IMMP2L: variants seen among roughly 807,000 people sequenced by gnomAD.
IMMP2L encodes the protein inner mitochondrial membrane peptidase subunit 2, also known as mitochondrial inner membrane protease subunit 2.
IMMP2L carries 18 observed loss-of-function variants against 19.3 expected under a neutral mutation model. The ratio of observed to expected loss-of-function variants is 0.93; its 90% confidence interval spans 0.64 to 1.38. The LOEUF is 1.38. IMMP2L is among the 40% of genes most tolerant of loss of function. The pLI is 0.00. For missense variants in IMMP2L, 233 were observed against 218.2 expected, an observed-to-expected ratio of 1.07 and a Z score of -0.43; for synonymous variants, 76 against 73.0, an observed-to-expected ratio of 1.04 and a Z score of -0.21.
At chr7:111,029,659 A>C (rs1827200358) in intron 3 of IMMP2L, among the ~76,000 whole-genome samples, 1 of 152,212 alleles carries the variant, frequency 6.6e-6, no homozygotes, top group Admixed American at 6.5e-5. Context: ...ATCTAAAAAT[A>C]GTAAGCCTAC....
chr7:111,052,343 G>A (rs1376265295), intron 3 of IMMP2L, among the ~76,000 whole-genome samples: 2 of 152,130 alleles, frequency 1.3e-5, no homozygotes, highest in African/African-American at 4.8e-5. Flanking sequence ...GCTACCTGGA[G>A]CCTTGATCTA....
chr7:111,362,727 T>TCAATAC (rs200641387), intron 3 of IMMP2L, among the ~76,000 whole-genome samples: 7 of 152,208 alleles, frequency 4.6e-5, no homozygotes, highest in South Asian at 4.1e-4. Context: ...ATTCACTTTT[T>TCAATAC]CAATACCAAT....
chr7:111,221,366 A>C (rs148913298), intron 3 of IMMP2L, among the ~76,000 whole-genome samples: 72 of 152,226 alleles, frequency 4.7e-4, no homozygotes, highest in Middle Eastern at 3.4e-3. Flanking sequence ...GTACGTTATG[A>C]CTGCCAAAAT....
intron 3 of IMMP2L, among the ~76,000 whole-genome samples, chr7:111,109,428 T>C (rs773985679): frequency 5.3e-5 from 8 of 152,196 alleles, no homozygotes; most frequent in Non-Finnish European, 1.2e-4. Context: ...CACACAAGTA[T>C]AGGCTTACTC....
At chr7:110,955,836 C>A (rs1818299684) in intron 4 of IMMP2L, among the ~76,000 whole-genome samples, 1 of 150,190 alleles carries the variant, frequency 6.7e-6, no homozygotes, top group East Asian at 2.0e-4. Flanking sequence ...ATTAATCTAC[C>A]AAAAAATGAC....
intron 3 of IMMP2L, among the ~76,000 whole-genome samples, chr7:111,007,728 CAT>C (rs1491225765): frequency 8.6e-5 from 13 of 151,994 alleles, no homozygotes; most frequent in South Asian, 4.2e-4. Flanking sequence ...TATATATATG[CAT>C]GTGTGTGTGT....
chr7:110,692,991 G>T (rs146120917), intron 5 of IMMP2L, among the ~76,000 whole-genome samples: 1 of 152,102 alleles, frequency 6.6e-6, no homozygotes, highest in Non-Finnish European at 1.5e-5. Context: ...AATCTCCCAG[G>T]GTGCTCCTTT....
intron 5 of IMMP2L, among the ~76,000 whole-genome samples, chr7:110,879,799 C>G (rs1428234851): frequency 6.6e-6 from 1 of 152,102 alleles, no homozygotes; most frequent in Non-Finnish European, 1.5e-5. Context: ...ATTTCTCTTT[C>G]TTGACTTAAT....
At position 110,839,477 on chromosome 7, in the gene IMMP2L, A is replaced by G. The variant is rs1001734913; in HGVS notation, c.408+47116T>C. ...TGACAAAAGAGGTCCTTACAAGAGA[A>G]TGTTGAGTATGTAGTCCTTAACAAC... is the stretch of plus-strand genomic sequence containing the variant. On this transcript the variant is annotated intron_variant, in intron 5 of 5. Transcript: ENST00000405709. Among the ~76,000 whole-genome samples the G allele has an allele frequency of 3.3e-5, 5 of 152,084 alleles. No homozygotes were observed. The South Asian group carries it at 1.0e-3, about 31-fold the overall frequency.
intron 3 of IMMP2L, among the ~76,000 whole-genome samples, chr7:111,109,206 A>G (rs1798901355): frequency 6.6e-6 from 1 of 152,194 alleles, no homozygotes; most frequent in Non-Finnish European, 1.5e-5. Flanking sequence ...AGTACAATTT[A>G]ACATGTTCAT....
intron 3 of IMMP2L, among the ~76,000 whole-genome samples, chr7:111,110,874 CAT>C (rs1799114161): frequency 6.6e-6 from 1 of 152,156 alleles, no homozygotes; most frequent in Non-Finnish European, 1.5e-5. Context: ...GATCTTAAAT[CAT>C]GTGACTGTGA....
chr7:111,232,265 G>T (rs965039593), intron 3 of IMMP2L, among the ~76,000 whole-genome samples: 1 of 151,512 alleles, frequency 6.6e-6, no homozygotes, highest in Non-Finnish European at 1.5e-5. Flanking sequence ...TGTATAGAAT[G>T]AAGAATATTC....
At chr7:111,263,835 C>A (rs1392362248) in intron 3 of IMMP2L, among the ~76,000 whole-genome samples, 1 of 152,082 alleles carries the variant, frequency 6.6e-6, no homozygotes, top group Admixed American at 6.6e-5. Flanking sequence ...GGGAAGAAAG[C>A]ATTTCAAGGA....
intron 3 of IMMP2L, among the ~76,000 whole-genome samples, chr7:111,049,854 A>G (rs1040475326): frequency 6.6e-6 from 1 of 152,196 alleles, no homozygotes; most frequent in Non-Finnish European, 1.5e-5. Context: ...ATTTAGGGGA[A>G]ATTAACTGCT....
intron 3 of IMMP2L, among the ~76,000 whole-genome samples, chr7:111,093,767 T>A (rs1797110374): frequency 1.3e-5 from 2 of 152,142 alleles, no homozygotes; most frequent in Admixed American, 1.3e-4. Flanking sequence ...GAATGCCAGA[T>A]GATGGACATT....
chr7:110,876,308 A>G (rs1415762642), intron 5 of IMMP2L, among the ~76,000 whole-genome samples: 2 of 152,130 alleles, frequency 1.3e-5, no homozygotes, highest in African/African-American at 2.4e-5. Context: ...AGAGTAGAAA[A>G]GGCTGGTGAA....
chr7:111,411,514 C>A, intron 3 of IMMP2L: 2 of 429,542 alleles, frequency 4.7e-6, no homozygotes, highest in South Asian at 1.8e-5. Flanking sequence ...TGGAGAACTG[C>A]TTCATTAGAA....
intron 3 of IMMP2L, among the ~76,000 whole-genome samples, chr7:111,063,165 A>C (rs1245452656): frequency 6.6e-6 from 1 of 152,218 alleles, no homozygotes; most frequent in African/African-American, 2.4e-5. Flanking sequence ...CTGAAATCTA[A>C]GCAGAGGTTG....
chr7:111,195,326 T>C lies in IMMP2L; in HGVS notation c.240-231761A>G, dbSNP rs1388134190. On this transcript the variant is annotated intron_variant, in intron 3 of 5. Transcript: ENST00000405709. ...ACAAATTTTTTTCAAAACTTATCTA[T>C]TCTGTTTCAACTGATACCAATTTCT... Among the ~76,000 whole-genome samples the C allele has an allele frequency of 3.3e-5, 5 of 152,220 alleles. No individual in the cohort carries two copies. The East Asian group carries it at 9.6e-4, about 29-fold the overall frequency.
Sources: allele counts gnomAD v4.1 joint callset (sites outside exome capture counted in the v4.1 genomes callset), GRCh38; gene constraint gnomAD v4.1.1; transcripts MANE v1.5; gene names NCBI Gene and HGNC (gene_info 2026-07-23, HGNC 2026-07-21).